CDH1: variants seen among roughly 807,000 people sequenced by gnomAD.
CDH1 encodes the protein cadherin 1.
CDH1 carries 35 observed loss-of-function variants against 84.5 expected under a neutral mutation model. The observed-to-expected ratio is 0.41, with a 90% CI of 0.32 to 0.55. CDH1 has a LOEUF of 0.55. Among genes scored for constraint, CDH1 ranks in the 20% least tolerant of loss-of-function variants. The pLI, the probability that CDH1 is intolerant of heterozygous loss-of-function variation, is 0.19. For synonymous variants in CDH1, 417 were observed against 439.0 expected (o/e 0.95, Z 0.63); for missense variants, 994 against 1,126.6 (o/e 0.88, Z 1.68).
intron 2 of CDH1, among the ~76,000 whole-genome samples, chr16:68,745,936 G>T (rs1267018736): frequency 6.6e-6 from 1 of 152,096 alleles, no homozygotes; most frequent in Non-Finnish European, 1.5e-5. Context: ...TCATGCCTCA[G>T]CCTCCCAAGT....
At chr16:68,817,683 A>T (rs1961018387) in intron 10 of CDH1, among the ~76,000 whole-genome samples, 1 of 152,112 alleles carries the variant, frequency 6.6e-6, no homozygotes, top group Admixed American at 6.5e-5. Flanking sequence ...CCTGAAATGG[A>T]TTACCTGAAT....
intron 2 of CDH1, among the ~76,000 whole-genome samples, chr16:68,748,470 G>A (rs569292082): frequency 5.3e-5 from 8 of 152,274 alleles, no homozygotes; most frequent in African/African-American, 1.7e-4. Flanking sequence ...TATGGGGTAC[G>A]TTCTTTTATT....
intron 2 of CDH1, among the ~76,000 whole-genome samples, chr16:68,752,291 C>T (rs1157147780): frequency 6.6e-6 from 1 of 152,204 alleles, no homozygotes; most frequent in African/African-American, 2.4e-5. Flanking sequence ...GCCCTCAGCC[C>T]TCCCCACCTC....
rs187126626 is a variant in CDH1, at chr16:68,806,805, G to A, written c.388-1619G>A. On this transcript the variant is annotated intron_variant, in intron 3 of 15. Coordinates refer to ENST00000261769, the MANE Select transcript of CDH1 (RefSeq NM_004360.5). The stretch of plus-strand genomic sequence containing the variant: ...CAGAGCCTGCCCTTGGCGCAGGCTG[G>A]GCTGCCTCTCTAGGAGACAAACACA... Among the ~76,000 whole-genome samples, 327 of 152,296 alleles carry A rather than the reference G, an allele frequency of 2.1e-3. 1 individual carries two copies. Among genetic ancestry groups the A allele is most frequent in the Non-Finnish European group, 3.9e-3 (265 of 68,032 alleles).
intron 13 of CDH1, among the ~76,000 whole-genome samples, chr16:68,827,824 A>G (rs560507550): frequency 1.3e-5 from 2 of 151,774 alleles, no homozygotes; most frequent in South Asian, 2.1e-4. Flanking sequence ...CCTTCCCTCC[A>G]TCACACCAAA....
intron 2 of CDH1, among the ~76,000 whole-genome samples, chr16:68,758,207 C>CTTTTTTTT (rs57413297): frequency 1.5e-4 from 6 of 40,046 alleles, no homozygotes; most frequent in African/African-American, 5.2e-4. Flanking sequence ...CTTTTTATTT[C>CTTTTTTTT]TTTTTTTTTT....
Position 68,808,362 on chromosome 16 carries a change from G to C in CDH1, c.388-62G>C, listed in dbSNP as rs2152129488. The C allele has an allele frequency of 2.5e-6, 4 of 1,589,310 alleles. No individual in the cohort carries two copies. The Admixed American group carries it at 5.0e-5, about 20-fold the overall frequency. On this transcript the variant is annotated intron_variant, in intron 3 of 15. Coordinates refer to ENST00000261769, the MANE Select transcript of CDH1 (RefSeq NM_004360.5). ...GGACGCTGTCTGGCTAGGTTGGACT[G>C]TTAGACCTGAAGTATCCGTCTTGAA...
intron 13 of CDH1, among the ~76,000 whole-genome samples, chr16:68,825,003 T>C (rs1233802876): frequency 6.6e-6 from 1 of 152,126 alleles, no homozygotes; most frequent in East Asian, 1.9e-4. Context: ...GCTCACTCTT[T>C]GGGAGACCAG....
At chr16:68,751,985 T>C (rs913517307) in intron 2 of CDH1, among the ~76,000 whole-genome samples, 3 of 147,894 alleles carry the variant, frequency 2.0e-5, no homozygotes, top group Non-Finnish European at 4.5e-5. Flanking sequence ...GAGTCTCAAC[T>C]CTGTCACCCA....
At chr16:68,752,803 G>A (rs1567478526) in intron 2 of CDH1, among the ~76,000 whole-genome samples, 1 of 152,138 alleles carries the variant, frequency 6.6e-6, no homozygotes, top group Non-Finnish European at 1.5e-5. Flanking sequence ...ACTTCTGAGT[G>A]TAAGGAAGCA....
At chr16:68,804,977 GCAC>G (rs1960618589) in intron 3 of CDH1, among the ~76,000 whole-genome samples, 1 of 147,354 alleles carries the variant, frequency 6.8e-6, no homozygotes. Flanking sequence ...ACCACAGGGT[GCAC>G]CACCATGCCC....
chr16:68,817,048 C>T (rs1048495101), intron 10 of CDH1, among the ~76,000 whole-genome samples: 3 of 152,182 alleles, frequency 2.0e-5, no homozygotes, highest in Admixed American at 2.0e-4. Flanking sequence ...GAGGCCCTTA[C>T]GCCTGGAACA....
intron 2 of CDH1, among the ~76,000 whole-genome samples, chr16:68,772,050 G>T (rs1468153169): frequency 6.6e-6 from 1 of 152,198 alleles, no homozygotes; most frequent in Non-Finnish European, 1.5e-5. Context: ...TGGCATAGTT[G>T]ATAAGTGGAT....
intron 2 of CDH1, among the ~76,000 whole-genome samples, chr16:68,764,769 G>C (rs1157691475): frequency 6.6e-6 from 1 of 152,178 alleles, no homozygotes; most frequent in Non-Finnish European, 1.5e-5. Flanking sequence ...GAGACCTTAG[G>C]TGGCCAGGGA....
intron 11 of CDH1, 144 bp downstream of exon 11, chr16:68,819,569 G>A (rs902834079): frequency 3.2e-6 from 3 of 932,014 alleles, no homozygotes; most frequent in Non-Finnish European, 5.0e-6. Flanking sequence ...AATGTATGGA[G>A]TACAAGGGTA....
At chr16:68,785,541 G>T (rs9923925) in intron 2 of CDH1, among the ~76,000 whole-genome samples, 1 of 151,814 alleles carries the variant, frequency 6.6e-6, no homozygotes. Context: ...TTGTGCAGTC[G>T]TGGCTCACTG....
rs554056664 is a variant in CDH1, at chr16:68,750,269, C to T, written c.163+11858C>T. On this transcript the variant is annotated intron_variant, in intron 2 of 15. Transcript: ENST00000261769. ...AGCTGAACAGCGCTTCTCTTCCTTT[C>T]GGTCTCTTTCAACTCTCTGGGTCCC... 1.5e-4 allele frequency among the ~76,000 whole-genome samples: 22 copies of T among 151,580 alleles called. 1 individual carries two copies. Among genetic ancestry groups the T allele is most frequent in the African/African-American group, 5.1e-4 (21 of 41,356 alleles).
chr16:68,829,967 T>C (rs1198298154), intron 15 of CDH1, among the ~76,000 whole-genome samples, 170 bp downstream of exon 15: 2 of 145,566 alleles, frequency 1.4e-5, no homozygotes, highest in Non-Finnish European at 1.5e-5. Flanking sequence ...TTCTTTTTTT[T>C]TTTTTTTGAG....
chr16:68,755,430 TAG>T (rs908513695), intron 2 of CDH1, among the ~76,000 whole-genome samples: 3 of 152,028 alleles, frequency 2.0e-5, no homozygotes, highest in Admixed American at 6.6e-5. Flanking sequence ...TTAAAATAAA[TAG>T]AGAGGGTCTT....
Sources: gnomAD v4.1 joint callset for allele counts (sites outside exome capture counted in the v4.1 genomes callset) on GRCh38, gnomAD v4.1.1 for gene constraint, MANE v1.5 for transcripts, NCBI Gene and HGNC (gene_info 2026-07-23, HGNC 2026-07-21) for gene names.